Variants in MAGI3 observed in about 807,000 individuals in gnomAD.
MAGI3 encodes the protein membrane-associated guanylate kinase, WW and PDZ domain-containing protein 3.
In MAGI3, 43 loss-of-function variants were observed where a neutral mutation model predicts 121.8. The observed-to-expected ratio is 0.35, with a 90% CI of 0.28 to 0.46. The LOEUF is 0.46. Among genes scored for constraint, MAGI3 ranks in the 20% least tolerant of loss-of-function variants. MAGI3 has a pLI of 1.00. For missense variants in MAGI3, 1,547 were observed against 1,797.3 expected (o/e 0.86, Z 2.52); for synonymous variants, 553 against 639.3 (o/e 0.86, Z 2.04).
At chr1:113,450,364 G>A in intron 1 of MAGI3, 1 of 1,240,788 alleles carries the variant, frequency 8.1e-7, no homozygotes, top group South Asian at 1.2e-5. Flanking sequence ...GGTGGCAGCA[G>A]AGGTAGTTAT....
Position 113,622,788 on chromosome 1 carries a change from C to T in MAGI3, c.1172-18C>T. ...GTAATTATTTTTGTTCTCAAACCCACTTCTCATTTTGGCACAGATATGGAA... is the reference window on the plus strand; with the variant it reads ...GTAATTATTTTTGTTCTCAAACCCATTTCTCATTTTGGCACAGATATGGAA... On this transcript the variant is annotated intron_variant, in intron 8 of 20. Coordinates refer to ENST00000307546, the MANE Select transcript of MAGI3 (RefSeq NM_001142782.2). 2 of 1,554,490 alleles carry T rather than the reference C, an allele frequency of 1.3e-6. No homozygotes were observed. Among genetic ancestry groups the T allele is most frequent in the Middle Eastern group, 1.7e-4 (1 of 5,912 alleles).
At chr1:113,547,403 T>C (rs570286676) in intron 1 of MAGI3, among the ~76,000 whole-genome samples, 36 of 152,294 alleles carry the variant, frequency 2.4e-4, no homozygotes, top group African/African-American at 7.9e-4. Context: ...TTTCTGAAAA[T>C]ATGTTGTATA....
At chr1:113,516,446 C>A in intron 1 of MAGI3, among the ~76,000 whole-genome samples, 1 of 146,270 alleles carries the variant, frequency 6.8e-6, no homozygotes, top group Admixed American at 6.8e-5. Flanking sequence ...TAAGAGTATG[C>A]CAAAGGGACA....
chr1:113,396,953 G>A (rs541983087), intron 1 of MAGI3, among the ~76,000 whole-genome samples: 1 of 152,072 alleles, frequency 6.6e-6, no homozygotes, highest in African/African-American at 2.4e-5. Context: ...TGTGCTATTC[G>A]AAAAAGTAGT....
intron 1 of MAGI3, among the ~76,000 whole-genome samples, chr1:113,511,358 A>G (rs183247642): frequency 1.3e-5 from 2 of 152,356 alleles, no homozygotes; most frequent in East Asian, 1.9e-4. Flanking sequence ...AGAGTTATCT[A>G]TACTAACACA....
At chr1:113,583,900 T>C (rs1221596057) in intron 3 of MAGI3, among the ~76,000 whole-genome samples, 2 of 152,228 alleles carry the variant, frequency 1.3e-5, no homozygotes, top group African/African-American at 2.4e-5. Context: ...TTTCATTTTA[T>C]TGTTTTGTCT....
intron 1 of MAGI3, among the ~76,000 whole-genome samples, chr1:113,487,336 A>G (rs1656429271): frequency 6.6e-6 from 1 of 152,214 alleles, no homozygotes; most frequent in African/African-American, 2.4e-5. Context: ...GATTGTAAAT[A>G]CTTGTTAACA....
intron 20 of MAGI3, chr1:113,682,576 T>A (rs1158535201): frequency 8.2e-7 from 1 of 1,220,890 alleles, no homozygotes; most frequent in Non-Finnish European, 1.0e-6. Flanking sequence ...CGTAATTTGG[T>A]TCAGCTTTAT....
intron 2 of MAGI3, among the ~76,000 whole-genome samples, chr1:113,570,251 A>C (rs987755711): frequency 6.6e-6 from 1 of 152,118 alleles, no homozygotes; most frequent in Non-Finnish European, 1.5e-5. Flanking sequence ...ATAGTATTCC[A>C]TGGTGTCCCT....
At chr1:113,473,369 C>A (rs981237088) in intron 1 of MAGI3, among the ~76,000 whole-genome samples, 3 of 152,010 alleles carry the variant, frequency 2.0e-5, no homozygotes, top group African/African-American at 7.3e-5. Flanking sequence ...GATCAACTAA[C>A]TCATCATTTA....
intron 19 of MAGI3, among the ~76,000 whole-genome samples, chr1:113,679,893 C>G (rs1571042613): frequency 6.6e-6 from 1 of 151,892 alleles, no homozygotes; most frequent in South Asian, 2.1e-4. Flanking sequence ...TTAGTAGAGA[C>G]CGGGTTTCTC....
chr1:113,549,760 C>A, intron 2 of MAGI3, 129 bp downstream of exon 2: 2 of 504,718 alleles, frequency 4.0e-6, no homozygotes, highest in Non-Finnish European at 6.9e-6. Context: ...AAGAATGAAA[C>A]AAAAATTGGA....
intron 1 of MAGI3, among the ~76,000 whole-genome samples, chr1:113,471,619 C>A (rs1418100675): frequency 6.6e-6 from 1 of 152,036 alleles, no homozygotes; most frequent in African/African-American, 2.4e-5. Context: ...ATAGTAGATA[C>A]ATAAACCAGT....
At chr1:113,428,612 TTTTA>T (rs1653142463) in intron 1 of MAGI3, among the ~76,000 whole-genome samples, 1 of 152,232 alleles carries the variant, frequency 6.6e-6, no homozygotes. Flanking sequence ...AATTTATGAA[TTTTA>T]TTTAATAACA....
rs1376493993 is a variant in MAGI3, at chr1:113,397,852, A to T, written c.316+6503A>T. 4.6e-5 allele frequency among the ~76,000 whole-genome samples: 7 copies of T among 152,166 alleles called. 1 individual carries two copies. Among genetic ancestry groups the T allele is most frequent in the Non-Finnish European group, 8.8e-5 (6 of 68,022 alleles). ...ATTAGTTCTGTTCTTTATGGTTAAT[A>T]GCCCTATTTTTGTTGTTTTGGAAGT... On this transcript the variant is annotated intron_variant, in intron 1 of 20. Coordinates refer to ENST00000307546, the MANE Select transcript of MAGI3 (RefSeq NM_001142782.2).
intron 1 of MAGI3, among the ~76,000 whole-genome samples, chr1:113,456,933 A>T (rs547948596): frequency 1.3e-5 from 2 of 152,162 alleles, no homozygotes; most frequent in Non-Finnish European, 2.9e-5. Flanking sequence ...AAAAAAGGAG[A>T]TACAGTTCCC....
chr1:113,427,349 G>C (rs1172668029), intron 1 of MAGI3, among the ~76,000 whole-genome samples: 1 of 152,216 alleles, frequency 6.6e-6, no homozygotes, highest in Non-Finnish European at 1.5e-5. Context: ...GTCTCCCTTT[G>C]TGGGACAAGA....
chr1:113,486,707 A>G (rs1302887167), intron 1 of MAGI3, among the ~76,000 whole-genome samples: 4 of 146,128 alleles, frequency 2.7e-5, no homozygotes, highest in African/African-American at 7.6e-5. Flanking sequence ...TCTAGAGTGC[A>G]ATGGCATGAT....
At chr1:113,525,007 A>G (rs1467790217) in intron 1 of MAGI3, among the ~76,000 whole-genome samples, 2 of 152,062 alleles carry the variant, frequency 1.3e-5, no homozygotes, top group African/African-American at 4.8e-5. Context: ...TGGTTTTATA[A>G]AGGGGAGTTT....
Sources: allele counts gnomAD v4.1 joint callset (sites outside exome capture counted in the v4.1 genomes callset), GRCh38; gene constraint gnomAD v4.1.1; transcripts MANE v1.5; gene names NCBI Gene and HGNC (gene_info 2026-07-23, HGNC 2026-07-21).